The following GNA14 variants were observed in gnomAD, a reference collection of about 807,000 sequenced individuals.
GNA14 encodes G protein subunit alpha 14.
Under a neutral mutation model 42.0 loss-of-function variants are expected in GNA14, and 50 were observed. The observed-to-expected ratio is 1.19, with a 90% CI of 0.95 to 1.51. The LOEUF (loss-of-function observed/expected upper bound fraction) is 1.51, where lower values mean the gene tolerates loss of function less well. Among genes scored for constraint, GNA14 ranks in the 40% most tolerant of loss-of-function variants. The probability of loss-of-function intolerance (pLI) is 0.00; values close to 1 mark genes in which losing one functional copy is unlikely to be tolerated. For missense variants in GNA14, 473 were observed against 446.2 expected (o/e 1.06, Z -0.54); for synonymous variants, 173 against 163.1 (o/e 1.06, Z -0.46).
intron 1 of GNA14, among the ~76,000 whole-genome samples, chr9:77,611,026 G>T (rs1024639397): frequency 7.2e-5 from 11 of 152,160 alleles, no homozygotes; most frequent in African/African-American, 2.7e-4. Context: ...AAGATAGGAA[G>T]TAAGTAGGTA....
intron 1 of GNA14, among the ~76,000 whole-genome samples, chr9:77,636,450 C>A (rs1257523756): frequency 6.6e-6 from 1 of 152,182 alleles, no homozygotes; most frequent in African/African-American, 2.4e-5. Context: ...TATCAGCCAT[C>A]TTAATCCATT....
At position 77,568,096 on chromosome 9, in the gene GNA14, C is replaced by G. The variant is rs531700742; in HGVS notation, c.125-38843G>C. 3.3e-5 allele frequency among the ~76,000 whole-genome samples: 5 copies of G among 152,272 alleles called. No homozygotes were observed. In the South Asian group the frequency reaches 8.3e-4, roughly 25 times the overall value. ...ACAGAGTAGTCTTTCTTGTTTATCA[C>G]TTTACCTGCAGCTCCCAGAGCAGGT... is the stretch of plus-strand genomic sequence containing the variant. On this transcript the variant is annotated intron_variant, in intron 1 of 6. Coordinates refer to ENST00000341700, the MANE Select transcript of GNA14 (RefSeq NM_004297.4).
intron 2 of GNA14, among the ~76,000 whole-genome samples, chr9:77,458,920 C>T (rs991833514): frequency 2.0e-5 from 3 of 146,806 alleles, no homozygotes; most frequent in African/African-American, 7.6e-5. Context: ...GGGGGTTGTC[C>T]TCTTCTCCCC....
chr9:77,460,727 C>T (rs1360338495), intron 2 of GNA14, among the ~76,000 whole-genome samples: 2 of 152,110 alleles, frequency 1.3e-5, no homozygotes, highest in African/African-American at 2.4e-5. Context: ...GCCAGACCTG[C>T]CCCCTGACTA....
At chr9:77,502,966 G>A (rs1488844488) in intron 2 of GNA14, among the ~76,000 whole-genome samples, 1 of 152,138 alleles carries the variant, frequency 6.6e-6, no homozygotes, top group Non-Finnish European at 1.5e-5. Context: ...GCTGTTTCCA[G>A]TCACTGGCAT....
At chr9:77,531,208 C>G (rs924831010) in intron 1 of GNA14, among the ~76,000 whole-genome samples, 9 of 152,034 alleles carry the variant, frequency 5.9e-5, no homozygotes, top group African/African-American at 2.2e-4. Flanking sequence ...TAGAAAGCAC[C>G]CAAAGAAATG....
rs71503227 is a variant in GNA14 at position 77,622,731 on chromosome 9, C to CAAAA, written c.124+24935_124+24938dup. On this transcript the variant is annotated intron_variant, in intron 1 of 6. Transcript: ENST00000341700. ...GAAAACCCCGTCTCTACTAAAAATA[C>CAAAA]AAAAAAAAGAAAAATAGCCAGGCGT... Among the ~76,000 whole-genome samples the CAAAA allele has an allele frequency of 7.5e-3, 924 of 122,766 alleles. 14 individuals are homozygous for CAAAA. Among genetic ancestry groups the CAAAA allele is most frequent in the East Asian group, 0.053 (222 of 4,208 alleles). 80.5% of individuals were successfully genotyped at this position (122,766 alleles called of 152,430 possible).
rs1007959237 is a variant in GNA14 at position 77,529,483 on chromosome 9, C to T, written c.125-230G>A. 3.3e-5 allele frequency among the ~76,000 whole-genome samples: 5 copies of T among 152,122 alleles called. No homozygotes were observed. The East Asian group carries it at 7.7e-4, about 23-fold the overall frequency. ...AGGGAAATGCTTCCCCACATCCTTG[C>T]CCTAAGTCCTTGAAAAACAGGCAAC... On this transcript the variant is annotated intron_variant, in intron 1 of 6. Transcript: ENST00000341700.
intron 2 of GNA14, among the ~76,000 whole-genome samples, chr9:77,473,702 TTTTTCAAAACC>T (rs1337694781): frequency 2.0e-5 from 3 of 151,830 alleles, no homozygotes; most frequent in Non-Finnish European, 2.9e-5. Context: ...AAAACAAGGT[TTTTTCAAAACC>T]TTGAAAAAGA....
chr9:77,596,017 C>G (rs1448733270), intron 1 of GNA14, among the ~76,000 whole-genome samples: 2 of 152,012 alleles, frequency 1.3e-5, no homozygotes, highest in Non-Finnish European at 2.9e-5. Flanking sequence ...GAGCTGGTAT[C>G]TCCCCTGCAG....
At chr9:77,543,989 A>C (rs1281260399) in intron 1 of GNA14, among the ~76,000 whole-genome samples, 3 of 152,180 alleles carry the variant, frequency 2.0e-5, no homozygotes, top group African/African-American at 7.2e-5. Context: ...CTTATTATAA[A>C]TATGGTATTC....
intron 1 of GNA14, among the ~76,000 whole-genome samples, chr9:77,531,805 AT>A (rs1236142057): frequency 6.6e-6 from 1 of 152,206 alleles, no homozygotes; most frequent in East Asian, 1.9e-4. Context: ...ACACACAAAC[AT>A]TTTTTAAAAG....
At chr9:77,520,451 A>C (rs1194458484) in intron 2 of GNA14, among the ~76,000 whole-genome samples, 1 of 152,252 alleles carries the variant, frequency 6.6e-6, no homozygotes, top group South Asian at 2.1e-4. Flanking sequence ...TCTAACGAGC[A>C]TGTTCCTAGC....
chr9:77,435,674 T>A (rs1371624659), intron 2 of GNA14, among the ~76,000 whole-genome samples: 1 of 152,224 alleles, frequency 6.6e-6, no homozygotes, highest in African/African-American at 2.4e-5. Context: ...ATGTACTATG[T>A]GCCAAGGCCT....
At chr9:77,455,866 G>C (rs1835989657) in intron 2 of GNA14, among the ~76,000 whole-genome samples, 2 of 152,106 alleles carry the variant, frequency 1.3e-5, no homozygotes, top group African/African-American at 4.8e-5. Context: ...ATGAGTACTT[G>C]TATCTTACAA....
chr9:77,545,113 C>G (rs575709032), intron 1 of GNA14, among the ~76,000 whole-genome samples: 5 of 152,242 alleles, frequency 3.3e-5, no homozygotes, highest in African/African-American at 1.2e-4. Context: ...AATCCTTAAG[C>G]CTCAATAAGG....
intron 1 of GNA14, among the ~76,000 whole-genome samples, chr9:77,543,568 G>C (rs1435352289): frequency 6.6e-6 from 1 of 152,200 alleles, no homozygotes; most frequent in Non-Finnish European, 1.5e-5. Context: ...CTCTCTATGA[G>C]AGTCTCAAGG....
intron 2 of GNA14, among the ~76,000 whole-genome samples, chr9:77,438,815 G>A (rs1356843587): frequency 6.6e-6 from 1 of 152,156 alleles, no homozygotes; most frequent in East Asian, 1.9e-4. Flanking sequence ...TTGCAGGCAC[G>A]ATGCCACCTT....
chr9:77,458,007 C>A (rs901965820), intron 2 of GNA14, among the ~76,000 whole-genome samples: 1 of 151,976 alleles, frequency 6.6e-6, no homozygotes, highest in Non-Finnish European at 1.5e-5. Flanking sequence ...GCTTTTGAAA[C>A]GGTGGTTTTA....
Sources: gnomAD v4.1 joint callset for allele counts (sites outside exome capture counted in the v4.1 genomes callset) on GRCh38, gnomAD v4.1.1 for gene constraint, MANE v1.5 for transcripts, NCBI Gene and HGNC (gene_info 2026-07-23, HGNC 2026-07-21) for gene names.